Variants in PREX2 observed in about 807,000 individuals in gnomAD.
PREX2 encodes the protein phosphatidylinositol-3,4,5-trisphosphate dependent Rac exchange factor 2.
A neutral mutation model predicts 203.2 loss-of-function variants in PREX2; 107 were observed. The observed-to-expected ratio is 0.53, with a 90% CI of 0.45 to 0.62. The LOEUF is 0.62. PREX2 is among the 20% of genes least tolerant of loss of function. PREX2 has a pLI of 0.00. For missense variants in PREX2, 1,777 were observed against 1,955.9 expected (o/e 0.91, Z 1.72); for synonymous variants, 672 against 663.6 (o/e 1.01, Z -0.19).
Position 68,109,402 on chromosome 8 carries a change from C to A in PREX2, c.2939-14C>A, listed in dbSNP as rs978384382. The A allele has an allele frequency of 6.2e-7, 1 of 1,600,770 alleles. No homozygotes were observed. Among genetic ancestry groups the A allele is most frequent in the Non-Finnish European group, 8.5e-7 (1 of 1,171,210 alleles). ...GGTGATACATATTACTAAGGAATGA[C>A]TTTAATTCCTCAGGGAAACTGAGCC... On this transcript the variant is annotated splice_polypyrimidine_tract_variant and intron_variant, in intron 24 of 39. Transcript: ENST00000288368.
intron 1 of PREX2, among the ~76,000 whole-genome samples, chr8:67,998,366 T>C (rs1806832012): frequency 6.6e-6 from 1 of 152,222 alleles, no homozygotes; most frequent in African/African-American, 2.4e-5. Flanking sequence ...TCCTGCCCTG[T>C]CCCCAACCTT....
rs1810844711 is a variant in PREX2 at position 68,124,342 on chromosome 8, CATGA to C, written c.3725-3032_3725-3029del. Among the ~76,000 whole-genome samples the C allele has an allele frequency of 4.6e-5, 7 of 152,136 alleles. No homozygotes were observed. The South Asian group carries it at 1.5e-3, about 32-fold the overall frequency. ...AATGAGCTAATGTCCTTTGCAGAAA[CATGA>C]ATGGAGCTGGAGTCCATTATCCTTA... On this transcript the variant is annotated intron_variant, in intron 30 of 39. Transcript: ENST00000288368.
At chr8:68,130,403 A>G (rs1810983767) in intron 31 of PREX2, among the ~76,000 whole-genome samples, 2 of 152,178 alleles carry the variant, frequency 1.3e-5, no homozygotes, top group African/African-American at 4.8e-5. Flanking sequence ...AAAGACCTGG[A>G]TATTTTTGCT....
At chr8:68,076,862 A>G (rs912025197) in intron 14 of PREX2, among the ~76,000 whole-genome samples, 7 of 152,010 alleles carry the variant, frequency 4.6e-5, no homozygotes, top group Non-Finnish European at 7.4e-5. Context: ...TTGGCAAAAT[A>G]ATGAAAGAGA....
rs754309220 is a variant in PREX2 at position 68,109,457 on chromosome 8, A to G, written c.2980A>G (p.Thr994Ala). ...GGTGTACATTCAGCACACCATCACA[A>G]CCATGGCGGCCCCTTCAGGTCTGTC... The part of the protein sequence containing the change: ...PMVYIQHTIT[T>A]MAAPSGLSLG... Residue 994 changes from threonine to alanine, a missense_variant, in exon 25 of 40, where the codon ACC becomes GCC. Thr to Ala is a moderately conservative substitution (Grantham distance 58). Coordinates refer to ENST00000288368, the MANE Select transcript of PREX2 (RefSeq NM_024870.4). The G allele has an allele frequency of 6.2e-7, 1 of 1,613,966 alleles. No homozygotes were observed. Among genetic ancestry groups the G allele is most frequent in the South Asian group, 1.1e-5 (1 of 91,070 alleles).
intron 29 of PREX2, 100 bp from the exon 30 acceptor site, chr8:68,120,821 T>C (rs1384309824): frequency 1.5e-5 from 14 of 960,442 alleles, no homozygotes; most frequent in Non-Finnish European, 2.1e-5. Flanking sequence ...ACCATGTCAA[T>C]AGTCTAGGAC....
chr8:68,108,601 G>C (rs949238519), intron 24 of PREX2, among the ~76,000 whole-genome samples: 2 of 152,186 alleles, frequency 1.3e-5, no homozygotes, highest in Non-Finnish European at 2.9e-5. Flanking sequence ...TCATCTTGCT[G>C]TGAAAGCTGC....
intron 33 of PREX2, among the ~76,000 whole-genome samples, chr8:68,142,913 T>C (rs1336405911): frequency 1.3e-5 from 2 of 152,200 alleles, no homozygotes; most frequent in Admixed American, 6.5e-5. Flanking sequence ...CCTCCAGTGA[T>C]GAATGAGTGC....
At chr8:68,199,916 ATCTTT>A (rs1405812430) in intron 37 of PREX2, among the ~76,000 whole-genome samples, 1 of 152,210 alleles carries the variant, frequency 6.6e-6, no homozygotes, top group Admixed American at 6.5e-5. Flanking sequence ...ATGAAGCTGC[ATCTTT>A]TCTCTACTGC....
intron 35 of PREX2, among the ~76,000 whole-genome samples, chr8:68,171,251 G>A (rs1374712621): frequency 6.6e-6 from 1 of 152,028 alleles, no homozygotes. Context: ...ATGAAGAATG[G>A]CACATTTTCT....
At chr8:67,995,027 C>T (rs1449719528) in intron 1 of PREX2, among the ~76,000 whole-genome samples, 1 of 151,968 alleles carries the variant, frequency 6.6e-6, no homozygotes, top group Admixed American at 6.6e-5. Flanking sequence ...TCTTTTCTTT[C>T]CTATTTTCTT....
chr8:68,044,372 T>C (rs990841173), intron 7 of PREX2, 115 bp from the exon 8 acceptor site: 89 of 688,382 alleles, frequency 1.3e-4, no homozygotes, highest in Middle Eastern at 2.6e-4. Context: ...GTCTAATGTT[T>C]GATATTGTCG....
At chr8:67,963,715 C>T (rs1246821775) in intron 1 of PREX2, among the ~76,000 whole-genome samples, 1 of 151,562 alleles carries the variant, frequency 6.6e-6, no homozygotes, top group Non-Finnish European at 1.5e-5. Context: ...TCCTGAAGGC[C>T]AGAATTTTGT....
At position 68,192,515 on chromosome 8, in the gene PREX2, G is replaced by A. The variant is rs1286072779; in HGVS notation, c.4594G>A (p.Gly1532Ser). 3.7e-6 allele frequency: 6 copies of A among 1,610,028 alleles called. No individual in the cohort carries two copies. The highest frequency in any genetic ancestry group is 2.7e-5 in the African/African-American group (2 of 74,808). The stretch of plus-strand genomic sequence containing the variant: ...CTGCCACATCATCATGTGCAGCAGC[G>A]GTGTGCATCGGTATGTGACCCTCCC... The part of the protein sequence containing the change: ...GACHIIMCSS[G>S]VHRCTLSVTL... The change falls in exon 37 of 40, where the codon GGT becomes AGT. Residue 1532 changes from glycine (G) to serine (S), a missense_variant. By Grantham distance (56) the Gly-to-Ser change is moderately conservative. Transcript: ENST00000288368.
At chr8:68,103,825 G>T (rs73685218) in intron 23 of PREX2, among the ~76,000 whole-genome samples, 17 of 152,114 alleles carry the variant, frequency 1.1e-4, no homozygotes, top group Admixed American at 3.3e-4. Flanking sequence ...TGCTGACTCC[G>T]CCTTTTCTCC....
chr8:68,195,872 A>T (rs1292453278), intron 37 of PREX2, among the ~76,000 whole-genome samples: 1 of 152,196 alleles, frequency 6.6e-6, no homozygotes, highest in African/African-American at 2.4e-5. Context: ...CTATTGAATT[A>T]TATTGTATGT....
rs150336144 is a variant in PREX2 at position 68,235,568 on chromosome 8, C to G, written c.*4190C>G. On this transcript the variant is annotated 3_prime_UTR_variant, in exon 40 of 40. Coordinates refer to ENST00000288368, the MANE Select transcript of PREX2 (RefSeq NM_024870.4). ...TTGATTGAGAAAAATAATCTGTCTTCTATCGAATGTTTGAACTTTTAGTGA... is the reference window on the plus strand; with the variant it reads ...TTGATTGAGAAAAATAATCTGTCTTGTATCGAATGTTTGAACTTTTAGTGA... The G allele has an allele frequency of 2.7e-4, 41 of 152,248 alleles. No homozygotes were observed. Among genetic ancestry groups the G allele is most frequent in the African/African-American group, 8.2e-4 (34 of 41,560 alleles). The allele number at this position is 152,248 out of a possible 1,614,324, so 9.4% of individuals were successfully genotyped here. A position where few individuals can be genotyped will look rare whatever the true frequency, so the allele number is the denominator to read the frequency against.
intron 39 of PREX2, among the ~76,000 whole-genome samples, chr8:68,224,899 A>G (rs1813028413): frequency 6.6e-6 from 1 of 152,176 alleles, no homozygotes; most frequent in Non-Finnish European, 1.5e-5. Context: ...CAGCTGTGAC[A>G]AACAACCAAA....
chr8:68,028,165 T>G (rs1257557306), intron 5 of PREX2, among the ~76,000 whole-genome samples: 4 of 151,946 alleles, frequency 2.6e-5, no homozygotes, highest in Non-Finnish European at 5.9e-5. Flanking sequence ...GATGATGAAT[T>G]TATAGCACAG....
Sources: allele counts gnomAD v4.1 joint callset (sites outside exome capture counted in the v4.1 genomes callset), GRCh38; gene constraint gnomAD v4.1.1; transcripts MANE v1.5; gene names NCBI Gene and HGNC (gene_info 2026-07-23, HGNC 2026-07-21).